Variants in GRB10 observed in about 807,000 individuals in gnomAD.
GRB10 encodes the protein growth factor receptor bound protein 10.
A neutral mutation model predicts 80.9 loss-of-function variants in GRB10; 20 were observed. The observed-to-expected ratio is 0.25, with a 90% CI of 0.17 to 0.36. The LOEUF (loss-of-function observed/expected upper bound fraction) is 0.36, where lower values mean the gene tolerates loss of function less well. Ranked by LOEUF, GRB10 falls within the 10% of genes least tolerant of loss-of-function variation. GRB10 has a pLI of 1.00. For missense variants in GRB10, 548 were observed against 747.7 expected (o/e 0.73, Z 3.12); for synonymous variants, 291 against 291.5 (o/e 1.00, Z 0.02).
At chr7:50,651,683 G>A (rs539332510) in intron 7 of GRB10, among the ~76,000 whole-genome samples, 12 of 152,266 alleles carry the variant, frequency 7.9e-5, no homozygotes, top group Admixed American at 2.0e-4. Context: ...TATAGTTGTC[G>A]GAGCACATTA....
At chr7:50,687,150 G>C (rs1233267508) in intron 5 of GRB10, among the ~76,000 whole-genome samples, 3 of 152,188 alleles carry the variant, frequency 2.0e-5, no homozygotes, top group African/African-American at 7.2e-5. Context: ...GGAGGCTGCT[G>C]TATCTCCAAA....
intron 14 of GRB10, among the ~76,000 whole-genome samples, chr7:50,605,661 C>A (rs1442778074): frequency 1.3e-5 from 2 of 152,194 alleles, no homozygotes; most frequent in Non-Finnish European, 2.9e-5. Context: ...AGGCCCCCGG[C>A]ACCCGCAGCA....
chr7:50,776,374 C>T (rs563154495), intron 2 of GRB10, among the ~76,000 whole-genome samples: 26 of 145,994 alleles, frequency 1.8e-4, no homozygotes, highest in Middle Eastern at 3.4e-3. Context: ...CACCACACTC[C>T]GCTAATTTTT....
rs2056113752 is a variant in GRB10 at position 50,640,974 on chromosome 7, G to GT, written c.505-13997dup. The stretch of plus-strand genomic sequence containing the variant: ...GCAGGCTGTAGTGCCTGGAGCCTCA[G>GT]TTTTTCACGTGACACAGGCACAGCA... On this transcript the variant is annotated intron_variant, in intron 7 of 18. Coordinates refer to ENST00000401949, the MANE Select transcript of GRB10 (RefSeq NM_001350814.2). Among the ~76,000 whole-genome samples the GT allele has an allele frequency of 5.3e-5, 8 of 152,278 alleles. No homozygotes were observed. The South Asian group carries it at 1.7e-3, about 32-fold the overall frequency.
intron 16 of GRB10, 99 bp from the exon 17 acceptor site, chr7:50,604,184 TC>T: frequency 1.5e-6 from 2 of 1,300,768 alleles, no homozygotes; most frequent in Non-Finnish European, 2.2e-6. Context: ...AGCCCCTGAC[TC>T]CCCCAGCTAC....
intron 5 of GRB10, among the ~76,000 whole-genome samples, chr7:50,700,640 T>C (rs2064058018): frequency 6.6e-6 from 1 of 152,266 alleles, no homozygotes. Flanking sequence ...ATTGTATGAC[T>C]TTCCACCTGT....
chr7:50,611,557 A>C (rs1205934263), intron 13 of GRB10, among the ~76,000 whole-genome samples: 1 of 152,212 alleles, frequency 6.6e-6, no homozygotes, highest in African/African-American at 2.4e-5. Context: ...CAATCTGTGG[A>C]ACTTTTGGTT....
At chr7:50,730,605 CA>C (rs1420392891) in intron 4 of GRB10, among the ~76,000 whole-genome samples, 2 of 152,188 alleles carry the variant, frequency 1.3e-5, no homozygotes, top group Non-Finnish European at 2.9e-5. Flanking sequence ...AGTATTTCCT[CA>C]AAGCATGACA....
In GRB10 at chr7:50,741,931, T is replaced by C. The variant is rs60639855; in HGVS notation, c.-46-9563A>G. Among the ~76,000 whole-genome samples, 451 of 152,064 alleles carry C rather than the reference T, an allele frequency of 3.0e-3. 7 individuals carry two copies. The highest frequency in any genetic ancestry group is 0.01 in the African/African-American group (434 of 41,478). On this transcript the variant is annotated intron_variant, in intron 3 of 18. Transcript: ENST00000401949. ...CAAAATTTTAAACAATGAAATACAA[T>C]GATTTTTAATCACACAGTAATTTTT...
chr7:50,783,664 G>A (rs952339988), upstream of GRB10, among the ~76,000 whole-genome samples: 2 of 152,200 alleles, frequency 1.3e-5, no homozygotes, highest in Non-Finnish European at 2.9e-5. Flanking sequence ...GCAGTAAGCA[G>A]ATTTTCTACT....
chr7:50,767,635 C>G (rs1033253451), intron 2 of GRB10, among the ~76,000 whole-genome samples: 1 of 152,112 alleles, frequency 6.6e-6, no homozygotes, highest in South Asian at 2.1e-4. Context: ...AGAGTCCCTG[C>G]GGCTCCTGGC....
intron 5 of GRB10, among the ~76,000 whole-genome samples, chr7:50,687,761 C>A (rs1450491441): frequency 1.3e-5 from 2 of 152,166 alleles, no homozygotes; most frequent in Admixed American, 1.3e-4. Context: ...GCAGAGACCA[C>A]AATGGAATAT....
chr7:50,647,254 G>C (rs981504077), intron 7 of GRB10, among the ~76,000 whole-genome samples: 1 of 152,212 alleles, frequency 6.6e-6, no homozygotes, highest in African/African-American at 2.4e-5. Context: ...TAGTGCTCCA[G>C]AATTACAAGA....
intron 7 of GRB10, among the ~76,000 whole-genome samples, chr7:50,668,961 C>T (rs2060082938): frequency 6.6e-6 from 1 of 152,142 alleles, no homozygotes; most frequent in South Asian, 2.1e-4. Context: ...AGGTTATTGC[C>T]CTGCGGGTCC....
intron 8 of GRB10, 57 bp downstream of exon 8, chr7:50,626,765 T>C: frequency 6.3e-7 from 1 of 1,598,368 alleles, no homozygotes; most frequent in Non-Finnish European, 8.6e-7. Context: ...GCAGCAGTCT[T>C]CATTCAATTG....
intron 7 of GRB10, among the ~76,000 whole-genome samples, chr7:50,637,421 T>C (rs1180770491): frequency 6.6e-6 from 1 of 151,198 alleles, no homozygotes; most frequent in Non-Finnish European, 1.5e-5. Flanking sequence ...AAGAACTCAA[T>C]CATGTTTAAA....
At chr7:50,715,380 A>AG (rs2066692282) in intron 4 of GRB10, among the ~76,000 whole-genome samples, 1 of 152,116 alleles carries the variant, frequency 6.6e-6, no homozygotes, top group South Asian at 2.1e-4. Context: ...CACAGATCCC[A>AG]GGGCTCAGGA....
chr7:50,647,428 T>C (rs1307752699), intron 7 of GRB10, among the ~76,000 whole-genome samples: 2 of 152,182 alleles, frequency 1.3e-5, no homozygotes, highest in Non-Finnish European at 1.5e-5. Flanking sequence ...CCCAGCTACA[T>C]GGGGAGGGTG....
In GRB10 at chr7:50,704,670, T is replaced by C. The variant is rs539462276; in HGVS notation, c.52-762A>G. ...CCCCAGAACTACTAATATTAATACATTGTCACAAATATCATAGTTGACTTC... is the reference window on the plus strand; with the variant it reads ...CCCCAGAACTACTAATATTAATACACTGTCACAAATATCATAGTTGACTTC... On this transcript the variant is annotated intron_variant, in intron 4 of 18. Transcript: ENST00000401949. Among the ~76,000 whole-genome samples, 22 of 152,364 alleles carry C rather than the reference T, an allele frequency of 1.4e-4. 1 individual carries two copies. In the South Asian group the frequency reaches 4.6e-3, roughly 32 times the overall value.
Sources: gnomAD v4.1 joint callset for allele counts (sites outside exome capture counted in the v4.1 genomes callset) on GRCh38, gnomAD v4.1.1 for gene constraint, MANE v1.5 for transcripts, NCBI Gene and HGNC (gene_info 2026-07-23, HGNC 2026-07-21) for gene names.